DHRSX: variants seen among roughly 807,000 people sequenced by gnomAD.
DHRSX encodes the protein dehydrogenase/reductase X-linked.
Under a neutral mutation model 34.0 loss-of-function variants are expected in DHRSX, and 31 were observed. The ratio of observed to expected loss-of-function variants is 0.91; its 90% confidence interval spans 0.69 to 1.23. The LOEUF (loss-of-function observed/expected upper bound fraction) is 1.23. Ranked by LOEUF, DHRSX falls within the 50% of genes most tolerant of loss-of-function variation. The pLI, the probability that DHRSX is intolerant of heterozygous loss-of-function variation, is 0.00. For synonymous variants in DHRSX, 201 were observed against 183.8 expected (o/e 1.09, Z -0.76); for missense variants, 414 against 428.1 (o/e 0.97, Z 0.29).
At position 2,464,379 on chromosome X, in the gene DHRSX, C is replaced by G. The variant is rs184981186; in HGVS notation, c.109+36438G>C. Among the ~76,000 whole-genome samples the G allele has an allele frequency of 1.5e-4, 23 of 151,702 alleles. No individual in the cohort carries two copies. In the East Asian group the frequency reaches 4.5e-3, roughly 30 times the overall value. On this transcript the variant is annotated intron_variant, in intron 1 of 6. Transcript: ENST00000334651. ...GATGTGCACACACTGAAGACGTTCC[C>G]TAAGTGTGTGGCTAAGGGACTGCTA...
chrX:2,489,121 C>G, intron 1 of DHRSX: 4 of 1,613,670 alleles, frequency 2.5e-6, no homozygotes, highest in Non-Finnish European at 3.4e-6. Context: ...TGGATGTCCG[C>G]ATGAGCTTCT....
At chrX:2,492,997 G>A (rs888580555) in intron 1 of DHRSX, among the ~76,000 whole-genome samples, 5 of 152,236 alleles carry the variant, frequency 3.3e-5, no homozygotes, top group Non-Finnish European at 5.9e-5. Context: ...AACGGTGCCC[G>A]CCCAGTGCTT....
chrX:2,385,085 G>C (rs909915212), intron 3 of DHRSX, among the ~76,000 whole-genome samples: 1 of 149,896 alleles, frequency 6.7e-6, no homozygotes, highest in Non-Finnish European at 1.5e-5. Context: ...CCTGGCGACA[G>C]AGTGAGACTC....
chrX:2,461,471 G>A (rs747045857), intron 1 of DHRSX, among the ~76,000 whole-genome samples: 282 of 152,322 alleles, frequency 1.9e-3, no homozygotes, highest in Middle Eastern at 3.4e-3. Flanking sequence ...ACTAGCTCAC[G>A]TAAATTAGGG....
chrX:2,467,508 AC>A (rs2044514997), intron 1 of DHRSX, among the ~76,000 whole-genome samples: 2 of 152,146 alleles, frequency 1.3e-5, no homozygotes, highest in Admixed American at 1.3e-4. Context: ...CACACCAAAC[AC>A]CAGAAACAGG....
chrX:2,304,348 G>GATGGATGT (rs1195945791), intron 3 of DHRSX, among the ~76,000 whole-genome samples: 1 of 151,752 alleles, frequency 6.6e-6, no homozygotes, highest in Non-Finnish European at 1.5e-5. Context: ...CTGATGGATG[G>GATGGATGT]ATGGATGGAT....
intron 1 of DHRSX, among the ~76,000 whole-genome samples, chrX:2,459,098 G>A (rs1419832229): frequency 2.0e-5 from 3 of 151,986 alleles, no homozygotes; most frequent in South Asian, 4.2e-4. Context: ...TGAACATGAC[G>A]CTGCACTCCA....
At chrX:2,248,686 C>A (rs1190759332) in intron 5 of DHRSX, among the ~76,000 whole-genome samples, 1 of 150,032 alleles carries the variant, frequency 6.7e-6, no homozygotes. Flanking sequence ...CCTTGACCTG[C>A]CTTGTTTGAA....
intron 3 of DHRSX, among the ~76,000 whole-genome samples, chrX:2,386,952 T>G (rs1438349156): frequency 6.6e-6 from 1 of 151,258 alleles, no homozygotes; most frequent in Non-Finnish European, 1.5e-5. Flanking sequence ...ATTATTTTCA[T>G]ACTCCTGCTT....
In DHRSX at chrX:2,472,464, G is replaced by A. The variant is rs188406710; in HGVS notation, c.109+28353C>T. Among the ~76,000 whole-genome samples the A allele has an allele frequency of 8.7e-3, 1,319 of 152,098 alleles. 42 individuals carry two copies. Among genetic ancestry groups the A allele is most frequent in the East Asian group, 0.077 (396 of 5,154 alleles). On this transcript the variant is annotated intron_variant, in intron 1 of 6. Transcript: ENST00000334651. ...TTACCCGTGTAATGAACCTGCACAC[G>A]TGCCCCTGAACCTGAAAGTTTAAAA... is the stretch of plus-strand genomic sequence containing the variant.
chrX:2,307,567 C>T (rs1176225207), intron 3 of DHRSX, among the ~76,000 whole-genome samples: 1 of 151,908 alleles, frequency 6.6e-6, no homozygotes, highest in Non-Finnish European at 1.5e-5. Flanking sequence ...AGATCGAGAC[C>T]ATCCTGGCTA....
chrX:2,233,177 G>A (rs2015937888), intron 6 of DHRSX, among the ~76,000 whole-genome samples: 1 of 150,354 alleles, frequency 6.7e-6, no homozygotes, highest in Admixed American at 6.6e-5. Flanking sequence ...GTGGCTTCGC[G>A]GCAGAATTTC....
intron 3 of DHRSX, among the ~76,000 whole-genome samples, chrX:2,295,603 T>C (rs1271985407): frequency 6.6e-6 from 1 of 151,848 alleles, no homozygotes; most frequent in Admixed American, 6.6e-5. Context: ...GAAAAGGAAA[T>C]GGTATCTGGA....
At chrX:2,362,764 A>G (rs1408007307) in intron 3 of DHRSX, among the ~76,000 whole-genome samples, 37 of 149,752 alleles carry the variant, frequency 2.5e-4, no homozygotes, top group Non-Finnish European at 4.0e-4. Context: ...TCATGCCGCC[A>G]TTTTATCACC....
intron 4 of DHRSX, among the ~76,000 whole-genome samples, chrX:2,275,867 T>TG (rs1368997513): frequency 6.6e-6 from 1 of 151,982 alleles, no homozygotes; most frequent in Admixed American, 6.6e-5. Flanking sequence ...ATTTTTGAGA[T>TG]GGAGTCTCAC....
At chrX:2,483,044 A>G (rs2044797842) in intron 1 of DHRSX, among the ~76,000 whole-genome samples, 1 of 147,452 alleles carries the variant, frequency 6.8e-6, no homozygotes, top group African/African-American at 2.5e-5. Flanking sequence ...ACCCAACTGA[A>G]ATCCTGGCAG....
chrX:2,250,074 A>C (rs1394786589), intron 5 of DHRSX, among the ~76,000 whole-genome samples: 1 of 150,474 alleles, frequency 6.6e-6, no homozygotes, highest in Non-Finnish European at 1.5e-5. Flanking sequence ...AGGCAGGAGA[A>C]TCGCTTGAAC....
At chrX:2,391,445 G>A (rs187681546) in intron 3 of DHRSX, among the ~76,000 whole-genome samples, 13 of 152,244 alleles carry the variant, frequency 8.5e-5, no homozygotes, top group Admixed American at 5.9e-4. Context: ...GATTTAAGAC[G>A]CAGCCAAGAG....
chrX:2,382,063 C>G (rs891475318), intron 3 of DHRSX, among the ~76,000 whole-genome samples: 3 of 152,092 alleles, frequency 2.0e-5, no homozygotes, highest in African/African-American at 7.2e-5. Flanking sequence ...CAAGAAGATG[C>G]CTGAAGAGGT....
Sources: allele counts gnomAD v4.1 joint callset (sites outside exome capture counted in the v4.1 genomes callset), GRCh38; gene constraint gnomAD v4.1.1; transcripts MANE v1.5; gene names NCBI Gene and HGNC (gene_info 2026-07-23, HGNC 2026-07-21).